The following THSD7B variants were observed in gnomAD, a reference collection of about 807,000 sequenced individuals.
The protein encoded by THSD7B is thrombospondin type 1 domain containing 7B, also known as thrombospondin type-1 domain-containing protein 7B.
In THSD7B, 138 loss-of-function variants were observed where a neutral mutation model predicts 213.6. That is an observed-to-expected ratio of 0.65 (90% confidence interval 0.56 to 0.74). The LOEUF is 0.74. THSD7B is among the 30% of genes least tolerant of loss of function. THSD7B has a pLI of 0.00. For missense variants in THSD7B, 1,931 were observed against 1,991.5 expected (o/e 0.97, Z 0.58); for synonymous variants, 742 against 687.0 (o/e 1.08, Z -1.25).
At chr2:136,927,891 C>A (rs932942606) in intron 2 of THSD7B, among the ~76,000 whole-genome samples, 2 of 152,134 alleles carry the variant, frequency 1.3e-5, no homozygotes, top group African/African-American at 4.8e-5. Flanking sequence ...CCTTTGATTG[C>A]CTTATAAAGA....
intron 1 of THSD7B, among the ~76,000 whole-genome samples, chr2:136,855,586 C>T (rs562433914): frequency 7.3e-4 from 42 of 57,664 alleles, no homozygotes; most frequent in East Asian, 4.1e-3. Context: ...CCACCGCATC[C>T]GGCTATTATT....
chr2:137,225,620 T>A (rs1194745732), intron 7 of THSD7B, among the ~76,000 whole-genome samples: 1 of 152,198 alleles, frequency 6.6e-6, no homozygotes, highest in African/African-American at 2.4e-5. Flanking sequence ...GCCAAACTAA[T>A]GATATTAATA....
chr2:137,174,223 A>G (rs770801258), intron 7 of THSD7B, among the ~76,000 whole-genome samples: 5 of 152,190 alleles, frequency 3.3e-5, no homozygotes, highest in Admixed American at 6.5e-5. Context: ...AGAAAGGAAC[A>G]TTCAACATCC....
chr2:137,552,399 G>A (rs1005132557), intron 15 of THSD7B, among the ~76,000 whole-genome samples: 1 of 152,186 alleles, frequency 6.6e-6, no homozygotes, highest in African/African-American at 2.4e-5. Flanking sequence ...GGCCCCTCCA[G>A]AATTGGCATC....
chr2:137,412,610 A>C (rs1247197874), intron 14 of THSD7B, among the ~76,000 whole-genome samples: 10 of 126,792 alleles, frequency 7.9e-5, no homozygotes, highest in African/African-American at 3.0e-4. Flanking sequence ...AAAAAAAAAA[A>C]CAAAAAAAAA....
chr2:136,948,756 TATTTA>T (rs1161843142), intron 2 of THSD7B, among the ~76,000 whole-genome samples: 10 of 152,222 alleles, frequency 6.6e-5, no homozygotes, highest in Non-Finnish European at 1.0e-4. Flanking sequence ...ATGTTTTTCT[TATTTA>T]ATTCTCACCA....
intron 17 of THSD7B, among the ~76,000 whole-genome samples, chr2:137,595,571 G>A (rs943704279): frequency 3.3e-5 from 5 of 151,984 alleles, no homozygotes; most frequent in African/African-American, 1.2e-4. Context: ...ATCCAAGAAA[G>A]TTTAATTTGA....
At chr2:137,195,228 A>ATG (rs1186700900) in intron 7 of THSD7B, among the ~76,000 whole-genome samples, 50 of 147,354 alleles carry the variant, frequency 3.4e-4, no homozygotes, top group African/African-American at 1.1e-3. Context: ...ATGTATATGT[A>ATG]TGTGTGTATA....
rs757413584 is a variant in THSD7B at position 137,642,488 on chromosome 2, G to A, written c.3800G>A (p.Gly1267Asp). 1.9e-6 allele frequency: 3 copies of A among 1,613,294 alleles called. No individual in the cohort carries two copies. The African/African-American group carries it at 4.0e-5, about 22-fold the overall frequency. Residue 1267 changes from glycine to aspartate, a missense_variant and splice_region_variant, in exon 21 of 28, where the codon GGT (glycine) becomes GAT (aspartate). Transcript: ENST00000409968. ...TECSQTCGHG[G>D]RMSRTRFIIM... ...GCTGACACCTCCCTTATCATTTTAG[G>A]TCGAATGAGCCGGACTCGATTTATC...
intron 12 of THSD7B, among the ~76,000 whole-genome samples, chr2:137,325,792 A>G (rs1030480727): frequency 6.6e-6 from 1 of 152,234 alleles, no homozygotes; most frequent in Non-Finnish European, 1.5e-5. Context: ...TTATTCTACT[A>G]CGCAGAACTC....
intron 2 of THSD7B, among the ~76,000 whole-genome samples, chr2:137,045,578 G>A (rs1686955254): frequency 6.6e-6 from 1 of 152,212 alleles, no homozygotes; most frequent in Admixed American, 6.5e-5. Flanking sequence ...ACCACAAAAA[G>A]TGAAGCCACA....
At chr2:137,365,856 G>A (rs1265978744) in intron 12 of THSD7B, among the ~76,000 whole-genome samples, 7 of 152,178 alleles carry the variant, frequency 4.6e-5, no homozygotes, top group East Asian at 1.9e-4. Flanking sequence ...ATGTAGAACT[G>A]GAAATACCAT....
At chr2:136,806,505 A>G (rs977482146) in intron 1 of THSD7B, among the ~76,000 whole-genome samples, 1 of 152,248 alleles carries the variant, frequency 6.6e-6, no homozygotes, top group African/African-American at 2.4e-5. Context: ...TAGCAAGAAG[A>G]GTGAAAAACA....
chr2:137,133,645 A>G (rs535520853), intron 5 of THSD7B, among the ~76,000 whole-genome samples: 4 of 152,306 alleles, frequency 2.6e-5, no homozygotes, highest in African/African-American at 7.2e-5. Flanking sequence ...ATTGTGAGTT[A>G]CAAATGTGAA....
At chr2:137,489,831 A>T (rs1189995467) in intron 15 of THSD7B, among the ~76,000 whole-genome samples, 1 of 152,238 alleles carries the variant, frequency 6.6e-6, no homozygotes, top group Non-Finnish European at 1.5e-5. Flanking sequence ...GTTTAAAGAA[A>T]AAAACCTCTC....
chr2:136,832,204 T>TAA (rs1558819869), intron 1 of THSD7B, among the ~76,000 whole-genome samples: 1 of 150,638 alleles, frequency 6.6e-6, no homozygotes, highest in African/African-American at 2.4e-5. Context: ...TGTGTGTGTA[T>TAA]ACACACACAC....
chr2:137,113,462 G>A (rs1688388740), intron 4 of THSD7B, among the ~76,000 whole-genome samples: 1 of 152,026 alleles, frequency 6.6e-6, no homozygotes, highest in African/African-American at 2.4e-5. Flanking sequence ...TTCTTTCGGA[G>A]TTTTGCTCTC....
chr2:136,900,668 T>A (rs985588877), intron 2 of THSD7B, among the ~76,000 whole-genome samples: 6 of 152,240 alleles, frequency 3.9e-5, no homozygotes, highest in African/African-American at 1.4e-4. Flanking sequence ...TGCACAAATG[T>A]CTTTACATAC....
At chr2:137,203,169 C>G (rs1305588166) in intron 7 of THSD7B, among the ~76,000 whole-genome samples, 1 of 151,810 alleles carries the variant, frequency 6.6e-6, no homozygotes, top group African/African-American at 2.4e-5. Context: ...AGAATTCTCT[C>G]ATTTGTTTCC....
Sources: allele counts gnomAD v4.1 joint callset (sites outside exome capture counted in the v4.1 genomes callset), GRCh38; gene constraint gnomAD v4.1.1; transcripts MANE v1.5; gene names NCBI Gene and HGNC (gene_info 2026-07-23, HGNC 2026-07-21).